The following PKM variants were observed in gnomAD, a reference collection of about 807,000 sequenced individuals.
PKM encodes pyruvate kinase PKM.
A neutral mutation model predicts 49.8 loss-of-function variants in PKM; 18 were observed. That is an observed-to-expected ratio of 0.36 (90% CI 0.25 to 0.54). The LOEUF (loss-of-function observed/expected upper bound fraction) is 0.54, where lower values mean the gene tolerates loss of function less well. PKM is among the 20% of genes least tolerant of loss of function. The pLI is 0.89. For missense variants in PKM, 508 were observed against 713.8 expected (o/e 0.71, Z 3.28); for synonymous variants, 239 against 261.8 (o/e 0.91, Z 0.84).
intron 2 of PKM, 118 bp from the exon 3 acceptor site, chr15:72,217,618 C>A: frequency 1.4e-6 from 1 of 712,356 alleles, no homozygotes; most frequent in Non-Finnish European, 2.5e-6. Flanking sequence ...CCAAATAGCT[C>A]AAAAGTCTTT....
intron 1 of PKM, among the ~76,000 whole-genome samples, chr15:72,223,503 G>A (rs1035758802): frequency 2.0e-5 from 3 of 152,016 alleles, no homozygotes; most frequent in African/African-American, 7.3e-5. Flanking sequence ...AAGGCGTTTC[G>A]ATCCACAACT....
chr15:72,200,379 C>T lies in PKM; in HGVS notation c.1489+95G>A, dbSNP rs192163974. On this transcript the variant is annotated intron_variant, in intron 10 of 10. Transcript: ENST00000335181. This position sits in a 1 kb window ranked among gnomAD's most constrained non-coding sequence, Gnocchi z 4.6. ...TGCCCCACTAAGGTCTGTGTGTTCCCCTTTCTATTCCCCAAACTTTCGGGG... is the reference window on the plus strand; with the variant it reads ...TGCCCCACTAAGGTCTGTGTGTTCCTCTTTCTATTCCCCAAACTTTCGGGG... 4.1e-4 allele frequency: 479 copies of T among 1,161,342 alleles called. 1 individual carries two copies. The African/African-American group carries it at 5.4e-3, about 13-fold the overall frequency. 71.9% of individuals were successfully genotyped at this position (1,161,342 alleles called of 1,614,324 possible).
At chr15:72,209,416 T>TATATATATATAC (rs1188103977) in intron 5 of PKM, 13 of 7,556 alleles carry the variant, frequency 1.7e-3, no homozygotes, top group African/African-American at 3.3e-3. Context: ...TATATATATA[T>TATATATATATAC]ATATATATAT....
At chr15:72,225,083 G>A (rs1256725855) in intron 1 of PKM, among the ~76,000 whole-genome samples, 12 of 140,600 alleles carry the variant, frequency 8.5e-5, no homozygotes, top group Admixed American at 1.4e-4. Flanking sequence ...CACCAGGCCC[G>A]GCTAATTTTT....
intron 2 of PKM, 146 bp from the exon 3 acceptor site, chr15:72,217,646 C>A: frequency 1.5e-6 from 1 of 657,748 alleles, no homozygotes; most frequent in Non-Finnish European, 2.8e-6. Context: ...GCATGGAAGG[C>A]TACTACCGTG....
intron 1 of PKM, among the ~76,000 whole-genome samples, chr15:72,227,865 G>A (rs560446902): frequency 1.3e-5 from 2 of 149,254 alleles, no homozygotes; most frequent in African/African-American, 2.5e-5. Flanking sequence ...GCCCACGGCC[G>A]TTTCCTCATT....
chr15:72,230,404 G>A (rs1033092746), intron 1 of PKM, among the ~76,000 whole-genome samples: 12 of 152,348 alleles, frequency 7.9e-5, no homozygotes, highest in African/African-American at 2.9e-4. Context: ...CTGGGAGGCG[G>A]TGATGGAAAA....
At chr15:72,203,321 T>G (rs2081993462) in intron 8 of PKM, 1 of 789,604 alleles carries the variant, frequency 1.3e-6, no homozygotes, top group Admixed American at 2.0e-5. Flanking sequence ...GCTAAATCTG[T>G]CCTTCAGGCA....
Position 72,199,128 on chromosome 15 carries a change from T to G in PKM, c.*522A>C, listed in dbSNP as rs1596708740. The stretch of plus-strand genomic sequence containing the variant: ...GGAAAATGGAAGGTGGAGGGTGGAG[T>G]GTTTGCTGCAGGACAGCTGAGTGGA... On this transcript the variant is annotated 3_prime_UTR_variant, in exon 11 of 11. Coordinates refer to ENST00000335181, the MANE Select transcript of PKM (RefSeq NM_002654.6). The G allele has an allele frequency of 3.2e-5, 9 of 282,518 alleles. No individual in the cohort carries two copies. The highest frequency in any genetic ancestry group is 1.0e-4 in the East Asian group (1 of 9,726). 17.5% of individuals were successfully genotyped at this position (282,518 alleles called of 1,614,324 possible).
At chr15:72,209,040 G>T in intron 5 of PKM, 149 bp from the exon 6 acceptor site, 1 of 801,026 alleles carries the variant, frequency 1.2e-6, no homozygotes, top group Non-Finnish European at 2.1e-6. Context: ...CTACTACACT[G>T]TGTAATCCTG....
chr15:72,225,393 G>A (rs2082641059), intron 1 of PKM, among the ~76,000 whole-genome samples: 1 of 151,400 alleles, frequency 6.6e-6, no homozygotes, highest in African/African-American at 2.4e-5. Context: ...TGTTGCCCAG[G>A]CTGGTCTCGA....
intron 1 of PKM, among the ~76,000 whole-genome samples, chr15:72,230,036 C>A (rs2082806549): frequency 6.6e-6 from 1 of 152,226 alleles, no homozygotes; most frequent in South Asian, 2.1e-4. Context: ...GTTACGAGGC[C>A]CAAGGCCATC....
intron 3 of PKM, among the ~76,000 whole-genome samples, chr15:72,211,318 C>A (rs1351215723): frequency 6.6e-6 from 1 of 152,120 alleles, no homozygotes; most frequent in Non-Finnish European, 1.5e-5. Flanking sequence ...CCGCCCACCT[C>A]GGCCTCCCAA....
intron 8 of PKM, 76 bp downstream of exon 8, chr15:72,206,652 A>G: frequency 2.1e-6 from 3 of 1,426,310 alleles, no homozygotes; most frequent in Non-Finnish European, 2.0e-6. Context: ...AAACCTAAAA[A>G]GCTCTGCACC....
intron 9 of PKM, chr15:72,201,789 C>T (rs1334466694): frequency 6.4e-6 from 1 of 156,526 alleles, no homozygotes; most frequent in Non-Finnish European, 1.4e-5. Flanking sequence ...TTGCTCCCCT[C>T]TTCCAGGAAA....
At chr15:72,205,507 G>A (rs1014210624) in intron 8 of PKM, among the ~76,000 whole-genome samples, 4 of 152,152 alleles carry the variant, frequency 2.6e-5, no homozygotes, top group Admixed American at 6.5e-5. Flanking sequence ...AACTCAGTTC[G>A]CTACTGAAAG....
intron 1 of PKM, chr15:72,222,435 C>G (rs948746735): frequency 1.3e-5 from 2 of 152,502 alleles, no homozygotes; most frequent in Non-Finnish European, 2.9e-5. Flanking sequence ...ACTGCCCATC[C>G]CACCAACCAC....
At chr15:72,218,252 G>A (rs2082423878) in intron 2 of PKM, among the ~76,000 whole-genome samples, 1 of 151,690 alleles carries the variant, frequency 6.6e-6, no homozygotes, top group Non-Finnish European at 1.5e-5. Context: ...AGCCTCCCAA[G>A]TAGCTGGGAT....
Position 72,200,504 on chromosome 15 carries a change from CCACGTCCT to C in PKM, c.1451_1458del (p.Glu484GlyfsTer154). On this transcript the variant is annotated frameshift_variant, in exon 10 of 11. Coordinates refer to ENST00000335181, the MANE Select transcript of PKM (RefSeq NM_002654.6). LOFTEE classifies it high-confidence loss of function. This position sits in a 1 kb window ranked among gnomAD's most constrained non-coding sequence, Gnocchi z 4.6. ...TTCATGGCAAAGTTCACCCGGAGGT[CCACGTCCT>C]CAGCCCAGGCCTCCTGGACTGGGTC... 6.2e-7 allele frequency: 1 copy of C among 1,613,802 alleles called. No homozygotes were observed. The highest frequency in any genetic ancestry group is 8.5e-7 in the Non-Finnish European group (1 of 1,179,870).
Sources: gnomAD v4.1 joint callset for allele counts (sites outside exome capture counted in the v4.1 genomes callset) on GRCh38, gnomAD v4.1.1 for gene constraint, Gnocchi (gnomAD v3.1) non-coding constraint, MANE v1.5 for transcripts, NCBI Gene and HGNC (gene_info 2026-07-23, HGNC 2026-07-21) for gene names.